Variants in MYO10 observed in about 807,000 individuals in gnomAD.
MYO10 encodes the protein unconventional myosin-X.
MYO10 carries 133 observed loss-of-function variants against 257.3 expected under a neutral mutation model. The observed-to-expected ratio is 0.52, with a 90% CI of 0.45 to 0.60. The LOEUF (loss-of-function observed/expected upper bound fraction) is 0.60. MYO10 is among the 20% of genes least tolerant of loss of function. The probability of loss-of-function intolerance (pLI) is 0.00; values close to 1 mark genes in which losing one functional copy is unlikely to be tolerated. For missense variants in MYO10, 2,399 were observed against 2,635.7 expected (o/e 0.91, Z 1.97); for synonymous variants, 1,104 against 1,028.6 (o/e 1.07, Z -1.40).
rs545607476 is a variant in MYO10 at position 16,806,280 on chromosome 5, C to T, written c.280-11447G>A. Among the ~76,000 whole-genome samples, 10 of 150,632 alleles carry T rather than the reference C, an allele frequency of 6.6e-5. No homozygotes were observed. The East Asian group carries it at 2.0e-3, about 30-fold the overall frequency. On this transcript the variant is annotated intron_variant, in intron 3 of 40. Coordinates refer to ENST00000513610, the MANE Select transcript of MYO10 (RefSeq NM_012334.3). ...TAGAAGAATCGGGAGGTGGAGGTTGCAGTGAGCCAGAGGTTGCAGTGAACC... is the reference window on the plus strand; with the variant it reads ...TAGAAGAATCGGGAGGTGGAGGTTGTAGTGAGCCAGAGGTTGCAGTGAACC...
In MYO10 at chr5:16,744,538, G is replaced by A. The variant is rs75177434; in HGVS notation, c.1929+10290C>T. Among the ~76,000 whole-genome samples the A allele has an allele frequency of 8.8e-3, 1,332 of 152,208 alleles. 6 individuals carry two copies. The highest frequency in any genetic ancestry group is 0.012 in the African/African-American group (496 of 41,524). On this transcript the variant is annotated intron_variant, in intron 19 of 40. Coordinates refer to ENST00000513610, the MANE Select transcript of MYO10 (RefSeq NM_012334.3). ...TAATGTGCTAGACCCAGAGCACCCC[G>A]ACACCCTGGGTCTCAGCAGGCGCGG...
chr5:16,674,890 G>A lies in MYO10; in HGVS notation c.4927C>T (p.Arg1643Ter), dbSNP rs757011129. 2 of 1,613,782 alleles carry A rather than the reference G, an allele frequency of 1.2e-6. No homozygotes were observed. Among genetic ancestry groups the A allele is most frequent in the Non-Finnish European group, 1.7e-6 (2 of 1,179,892 alleles). Residue 1643 changes from arginine (R) to a stop codon, truncating the protein, a stop_gained, in exon 35 of 41, where the codon CGA (arginine) becomes TGA (stop). Transcript: ENST00000513610. LOFTEE classifies it high-confidence loss of function. ...AACTTGAGATACTTGAGAATCCCTC[G>A]ACTCGGCAGGAAGGTGCAGCTCAGG... ...TCLSCTFLPS[R>*]GILKYLKFHL...
intron 2 of MYO10, among the ~76,000 whole-genome samples, chr5:16,832,704 G>A (rs1743196014): frequency 6.6e-6 from 1 of 152,048 alleles, no homozygotes; most frequent in South Asian, 2.1e-4. Context: ...ATCCCTTCAG[G>A]TAACATGGCT....
At position 16,702,665 on chromosome 5, in the gene MYO10, A is replaced by T; in HGVS notation, c.2511-77T>A. On this transcript the variant is annotated intron_variant, in intron 23 of 40. Coordinates refer to ENST00000513610, the MANE Select transcript of MYO10 (RefSeq NM_012334.3). Reference sequence around the variant, plus strand: ...CTTTTCAGAGAGATCTACGTTTTTAAAACAGCTTTGCCAAAGACAGAAAGC... The same window carrying T: ...CTTTTCAGAGAGATCTACGTTTTTATAACAGCTTTGCCAAAGACAGAAAGC... The T allele has an allele frequency of 2.1e-6, 3 of 1,396,044 alleles. No individual in the cohort carries two copies. In the South Asian group the frequency reaches 3.8e-5, roughly 18 times the overall value. The allele number at this position is 1,396,044 out of a possible 1,614,324, so 86.5% of individuals were successfully genotyped here. A position where few individuals can be genotyped will look rare whatever the true frequency, so the allele number is the denominator to read the frequency against.
chr5:16,706,721 T>C (rs751826171), intron 21 of MYO10, among the ~76,000 whole-genome samples: 1 of 152,210 alleles, frequency 6.6e-6, no homozygotes, highest in African/African-American at 2.4e-5. Context: ...ATCAGACAAA[T>C]ACTTGCTTTA....
intron 2 of MYO10, among the ~76,000 whole-genome samples, chr5:16,851,317 C>A (rs1743794535): frequency 6.6e-6 from 1 of 152,162 alleles, no homozygotes; most frequent in Admixed American, 6.5e-5. Context: ...GTAATCACAT[C>A]CCAGCTATGC....
intron 24 of MYO10, among the ~76,000 whole-genome samples, chr5:16,702,215 G>A (rs1361594536): frequency 6.6e-6 from 1 of 152,216 alleles, no homozygotes; most frequent in Non-Finnish European, 1.5e-5. Context: ...TGATCTTGCA[G>A]TTCCGGCCTC....
chr5:16,683,504 C>T (rs1561178853), intron 30 of MYO10, among the ~76,000 whole-genome samples: 3 of 152,278 alleles, frequency 2.0e-5, no homozygotes, highest in Admixed American at 1.3e-4. Flanking sequence ...TCAAGTTTAT[C>T]GTTAAGTTCA....
At chr5:16,839,853 T>C (rs1022865340) in intron 2 of MYO10, among the ~76,000 whole-genome samples, 7 of 152,194 alleles carry the variant, frequency 4.6e-5, no homozygotes, top group Non-Finnish European at 2.9e-5. Flanking sequence ...GGCTAGGCTA[T>C]GGCGTTCAGT....
At chr5:16,696,442 C>T (rs1330664058) in intron 26 of MYO10, among the ~76,000 whole-genome samples, 1 of 152,182 alleles carries the variant, frequency 6.6e-6, no homozygotes, top group African/African-American at 2.4e-5. Flanking sequence ...GCTGCATTTA[C>T]ACAATAGCTT....
At chr5:16,693,004 T>C (rs1561185926) in intron 27 of MYO10, among the ~76,000 whole-genome samples, 2 of 152,134 alleles carry the variant, frequency 1.3e-5, no homozygotes, top group South Asian at 2.1e-4. Context: ...AGAAACATCA[T>C]GGCCGTAATC....
intron 9 of MYO10, among the ~76,000 whole-genome samples, chr5:16,776,800 A>G (rs1231253659): frequency 6.6e-6 from 1 of 152,236 alleles, no homozygotes; most frequent in Non-Finnish European, 1.5e-5. Context: ...GGGCCTTCCC[A>G]GGACAAGGGA....
intron 1 of MYO10, among the ~76,000 whole-genome samples, chr5:16,899,668 T>C (rs1463151757): frequency 1.3e-5 from 2 of 149,560 alleles, no homozygotes; most frequent in Admixed American, 6.7e-5. Context: ...TAAATCAGAA[T>C]TGCTACAAGA....
At chr5:16,867,973 C>T (rs562584990) in intron 2 of MYO10, among the ~76,000 whole-genome samples, 12 of 152,152 alleles carry the variant, frequency 7.9e-5, no homozygotes, top group Non-Finnish European at 1.6e-4. Flanking sequence ...GAATACCAAA[C>T]GGAATCCCTG....
chr5:16,688,297 C>T (rs1047435354), intron 28 of MYO10, among the ~76,000 whole-genome samples: 6 of 152,130 alleles, frequency 3.9e-5, no homozygotes, highest in Non-Finnish European at 2.9e-5. Flanking sequence ...GGTGTCTTTA[C>T]CCTTAATGTT....
intron 19 of MYO10, among the ~76,000 whole-genome samples, chr5:16,741,113 C>T (rs538096114): frequency 3.3e-5 from 5 of 152,114 alleles, no homozygotes; most frequent in Admixed American, 2.0e-4. Context: ...ATTCCTCCAT[C>T]GGGGGGAGGC....
intron 2 of MYO10, among the ~76,000 whole-genome samples, chr5:16,831,463 C>G (rs1743160228): frequency 6.6e-6 from 1 of 151,122 alleles, no homozygotes; most frequent in Admixed American, 6.6e-5. Flanking sequence ...CAATGTGGAA[C>G]CAGCCCAAAT....
chr5:16,806,451 G>A (rs187595790), intron 3 of MYO10, among the ~76,000 whole-genome samples: 20 of 151,056 alleles, frequency 1.3e-4, no homozygotes, highest in African/African-American at 4.4e-4. Context: ...TCGAGACCAC[G>A]TTAACACGGT....
At chr5:16,891,840 A>G (rs2126775262) in intron 1 of MYO10, among the ~76,000 whole-genome samples, 1 of 152,308 alleles carries the variant, frequency 6.6e-6, no homozygotes, top group East Asian at 1.9e-4. Context: ...GTAAAGGAAT[A>G]TCAGCTCTCA....
Sources: gnomAD v4.1 joint callset for allele counts (sites outside exome capture counted in the v4.1 genomes callset) on GRCh38, gnomAD v4.1.1 for gene constraint, MANE v1.5 for transcripts, NCBI Gene and HGNC (gene_info 2026-07-23, HGNC 2026-07-21) for gene names.